EYS: variants seen among roughly 807,000 people sequenced by gnomAD.
EYS encodes the protein EGF-like photoreceptor maintenance factor.
Under a neutral mutation model 282.1 loss-of-function variants are expected in EYS, and 250 were observed. The observed-to-expected ratio is 0.89, with a 90% confidence interval of 0.80 to 0.98. The LOEUF is 0.98. Ranked by LOEUF, EYS falls within the 50% of genes least tolerant of loss-of-function variation. The probability of loss-of-function intolerance (pLI) is 0.00; values close to 1 mark genes in which losing one functional copy is unlikely to be tolerated. For missense variants in EYS, 4,016 were observed against 3,709.0 expected (o/e 1.08, Z -2.15); for synonymous variants, 1,355 against 1,282.9 (o/e 1.06, Z -1.20).
chr6:63,798,985 G>GTACATATA (rs1211498823), intron 37 of EYS, among the ~76,000 whole-genome samples: 1 of 87,570 alleles, frequency 1.1e-5, no homozygotes, highest in Admixed American at 1.4e-4. Flanking sequence ...ATGTATATGT[G>GTACATATA]TGTATATATA....
chr6:64,602,144 T>A (rs1210883646), intron 24 of EYS, among the ~76,000 whole-genome samples: 1 of 152,106 alleles, frequency 6.6e-6, no homozygotes, highest in East Asian at 1.9e-4. Flanking sequence ...TATATGTCAT[T>A]CCTGGTACAT....
At chr6:64,944,818 T>C (rs1583317698) in intron 15 of EYS, among the ~76,000 whole-genome samples, 1 of 152,080 alleles carries the variant, frequency 6.6e-6, no homozygotes, top group South Asian at 2.1e-4. Context: ...AGGCGAGACA[T>C]GTTTGCAGCA....
intron 12 of EYS, among the ~76,000 whole-genome samples, chr6:65,236,045 G>A (rs1766914314): frequency 1.3e-5 from 2 of 151,716 alleles, no homozygotes; most frequent in South Asian, 2.1e-4. Flanking sequence ...CACCTCTTAT[G>A]TAATAAAGTA....
intron 19 of EYS, among the ~76,000 whole-genome samples, chr6:64,864,511 G>C (rs1480039346): frequency 6.7e-6 from 1 of 149,172 alleles, no homozygotes; most frequent in Non-Finnish European, 1.5e-5. Flanking sequence ...TCAGCCTCCT[G>C]AGTAGCTGGG....
intron 5 of EYS, among the ~76,000 whole-genome samples, chr6:65,406,167 CTA>C (rs1330775537): frequency 6.6e-6 from 1 of 152,018 alleles, no homozygotes; most frequent in Non-Finnish European, 1.5e-5. Flanking sequence ...TCACTAATGA[CTA>C]ATTATTTTTA....
intron 5 of EYS, among the ~76,000 whole-genome samples, chr6:65,410,548 C>T (rs1766947799): frequency 6.6e-6 from 1 of 151,394 alleles, no homozygotes; most frequent in Non-Finnish European, 1.5e-5. Flanking sequence ...TTCCCTCTTC[C>T]TTCCCCTCCC....
chr6:64,523,939 A>G (rs1215567075), intron 26 of EYS, among the ~76,000 whole-genome samples: 1 of 151,788 alleles, frequency 6.6e-6, no homozygotes, highest in African/African-American at 2.4e-5. Context: ...TGATGATTGA[A>G]TAATTGTTTG....
chr6:64,796,853 T>G (rs1774369816), intron 22 of EYS, among the ~76,000 whole-genome samples: 1 of 152,164 alleles, frequency 6.6e-6, no homozygotes, highest in South Asian at 2.1e-4. Flanking sequence ...TACCAAAACA[T>G]ATTACTGAAG....
intron 30 of EYS, among the ~76,000 whole-genome samples, chr6:64,240,003 A>C (rs1562267504): frequency 6.6e-6 from 1 of 152,196 alleles, no homozygotes. Flanking sequence ...CCGTTTATTA[A>C]ATAGGAAATC....
At chr6:65,619,698 G>A (rs1422251859) in intron 2 of EYS, among the ~76,000 whole-genome samples, 12 of 150,744 alleles carry the variant, frequency 8.0e-5, no homozygotes, top group Non-Finnish European at 1.2e-4. Flanking sequence ...GTTTGTCATA[G>A]ATAGCTCTTA....
chr6:64,786,387 T>C (rs1032577329), intron 22 of EYS, among the ~76,000 whole-genome samples: 7 of 152,044 alleles, frequency 4.6e-5, no homozygotes, highest in Admixed American at 6.6e-5. Context: ...CTGATTTGCA[T>C]AGGGCTCAGG....
At chr6:63,921,390 A>G (rs1764571149) in intron 35 of EYS, among the ~76,000 whole-genome samples, 1 of 152,192 alleles carries the variant, frequency 6.6e-6, no homozygotes, top group Non-Finnish European at 1.5e-5. Context: ...CCGTTCTACT[A>G]GCTGCTCTTT....
At chr6:64,617,901 A>T (rs928681958) in intron 23 of EYS, among the ~76,000 whole-genome samples, 3 of 152,208 alleles carry the variant, frequency 2.0e-5, no homozygotes, top group Non-Finnish European at 4.4e-5. Context: ...CAATAGAATA[A>T]AGACACTTAA....
rs191356581 is a variant in EYS, at chr6:64,019,033, C to T, written c.6726-19850G>A. Among the ~76,000 whole-genome samples the T allele has an allele frequency of 2.0e-5, 3 of 152,152 alleles. No homozygotes were observed. The East Asian group carries it at 5.8e-4, about 29-fold the overall frequency. Reference sequence around the variant, plus strand: ...CAAGTGATCCACCCACCTTGGCCTCCCAAAGTGCTGGGATTACAGGTGTGA... The same window carrying T: ...CAAGTGATCCACCCACCTTGGCCTCTCAAAGTGCTGGGATTACAGGTGTGA... On this transcript the variant is annotated intron_variant, in intron 33 of 42. Coordinates refer to ENST00000503581, the MANE Select transcript of EYS (RefSeq NM_001142800.2).
chr6:64,421,863 G>A (rs865781449), intron 28 of EYS, among the ~76,000 whole-genome samples: 2,780 of 118,502 alleles, frequency 0.023, 99 homozygotes, highest in African/African-American at 0.095. Flanking sequence ...TTTGGGGGGT[G>A]TGTGTGTGTG....
intron 26 of EYS, among the ~76,000 whole-genome samples, chr6:64,517,735 A>T (rs1462992510): frequency 2.8e-5 from 4 of 145,352 alleles, no homozygotes; most frequent in East Asian, 2.0e-4. Context: ...AATAGAAAAT[A>T]AAAAAATTAC....
chr6:65,118,710 A>G lies in EYS; in HGVS notation c.2024-60983T>C, dbSNP rs931451808. Among the ~76,000 whole-genome samples, 4 of 152,216 alleles carry G rather than the reference A, an allele frequency of 2.6e-5. 1 individual carries two copies. Among genetic ancestry groups the G allele is most frequent in the Non-Finnish European group, 5.9e-5 (4 of 68,024 alleles). On this transcript the variant is annotated intron_variant, in intron 12 of 42. Transcript: ENST00000503581. The stretch of plus-strand genomic sequence containing the variant: ...GTTTTATTCTGACAGTTGGAAAGCC[A>G]CAAGAGAGTTTTAAGTTGGGGAGTA...
intron 22 of EYS, among the ~76,000 whole-genome samples, chr6:64,773,335 T>C (rs1334558919): frequency 6.6e-6 from 1 of 151,940 alleles, no homozygotes; most frequent in Non-Finnish European, 1.5e-5. Context: ...GGCTGCATAA[T>C]ATTCCATGGT....
chr6:65,604,821 G>A (rs933973752), intron 2 of EYS, among the ~76,000 whole-genome samples: 4 of 147,090 alleles, frequency 2.7e-5, no homozygotes, highest in Admixed American at 6.9e-5. Flanking sequence ...CATTGTAAAA[G>A]ACCTTTAAAT....
Sources: allele counts gnomAD v4.1 joint callset (sites outside exome capture counted in the v4.1 genomes callset), GRCh38; gene constraint gnomAD v4.1.1; transcripts MANE v1.5; gene names NCBI Gene and HGNC (gene_info 2026-07-23, HGNC 2026-07-21).